Variants in ANHX observed in about 807,000 individuals in gnomAD.
The protein encoded by ANHX is anomalous homeobox.
In ANHX, 20 loss-of-function variants were observed where a neutral mutation model predicts 38.9. The ratio of observed to expected loss-of-function variants is 0.51; its 90% CI spans 0.36 to 0.75. ANHX has a LOEUF of 0.75. Among genes scored for constraint, ANHX ranks in the 30% least tolerant of loss-of-function variants. The pLI is 0.00. For missense variants in ANHX, 475 were observed against 493.1 expected (o/e 0.96, Z 0.35); for synonymous variants, 185 against 203.1 (o/e 0.91, Z 0.76).
intron 8 of ANHX, among the ~76,000 whole-genome samples, chr12:133,219,867 G>A (rs945916519): frequency 1.3e-5 from 2 of 152,142 alleles, no homozygotes; most frequent in African/African-American, 4.8e-5. Flanking sequence ...CAGGACAAGG[G>A]TGAAGAAGCT....
intron 7 of ANHX, among the ~76,000 whole-genome samples, chr12:133,223,811 G>A (rs1223762704): frequency 6.6e-6 from 1 of 151,456 alleles, no homozygotes; most frequent in Non-Finnish European, 1.5e-5. Flanking sequence ...CCACAACCTC[G>A]GACCCTCAGC....
chr12:133,224,498 CT>C (rs1430339316), intron 7 of ANHX, among the ~76,000 whole-genome samples: 1 of 150,726 alleles, frequency 6.6e-6, no homozygotes, highest in Non-Finnish European at 1.5e-5. Flanking sequence ...GCTGTCTCTA[CT>C]GAAAATACAA....
At chr12:133,219,737 T>G (rs750157170) in intron 8 of ANHX, among the ~76,000 whole-genome samples, 46 of 152,134 alleles carry the variant, frequency 3.0e-4, no homozygotes, top group Non-Finnish European at 5.6e-4. Flanking sequence ...CATACTAGCA[T>G]GTGACATGGC....
At chr12:133,228,049 T>C in intron 3 of ANHX, 102 bp from the exon 4 acceptor site, 1 of 1,358,826 alleles carries the variant, frequency 7.4e-7, no homozygotes, top group Non-Finnish European at 9.9e-7. Flanking sequence ...TCCTTCCCTG[T>C]GCCTCCTCCT....
At chr12:133,222,993 C>T (rs1280272608) in intron 7 of ANHX, among the ~76,000 whole-genome samples, 1 of 152,010 alleles carries the variant, frequency 6.6e-6, no homozygotes, top group Non-Finnish European at 1.5e-5. Context: ...GAGTTCGAGA[C>T]CAGCCTGACC....
In ANHX at chr12:133,227,079, T is replaced by G; in HGVS notation, c.575A>C (p.Gln192Pro). 2 of 1,536,044 alleles carry G rather than the reference T, an allele frequency of 1.3e-6. No homozygotes were observed. Among genetic ancestry groups the G allele is most frequent in the Non-Finnish European group, 1.7e-6 (2 of 1,146,860 alleles). The change falls in exon 5 of 10, where the codon CAA (glutamine) becomes CCA (proline). Residue 192 changes from glutamine to proline, a missense_variant. Coordinates refer to ENST00000545940, the MANE Select transcript of ANHX (RefSeq NM_001372060.1). ...YNWFANYRRR[Q>P]RALPQHMKPA... ...CTTCATGTGCTGGGGAAGGGCTCTT[T>G]GGCGGCGCCGGTAATTGGCAAACCA...
At chr12:133,223,210 A>G (rs959158291) in intron 7 of ANHX, among the ~76,000 whole-genome samples, 5 of 151,858 alleles carry the variant, frequency 3.3e-5, no homozygotes, top group African/African-American at 4.8e-5. Flanking sequence ...ATATATATAT[A>G]TAACTGTTAA....
Position 133,234,498 on chromosome 12 carries a change from G to C in ANHX, c.-22-120C>G. On this transcript the variant is annotated intron_variant, in intron 1 of 9. Transcript: ENST00000545940. ...GGCTCTTGTGCCGTGGACACTTGTA[G>C]AGTAGGAATAAGACCTCACACATCC... 5 of 1,186,228 alleles carry C rather than the reference G, an allele frequency of 4.2e-6. No individual in the cohort carries two copies. The South Asian group carries it at 6.2e-5, about 15-fold the overall frequency. The allele number at this position is 1,186,228 out of a possible 1,614,324, so 73.5% of individuals were successfully genotyped here.
At chr12:133,232,917 T>C (rs574174989) in intron 2 of ANHX, among the ~76,000 whole-genome samples, 14 of 152,196 alleles carry the variant, frequency 9.2e-5, no homozygotes, top group South Asian at 4.1e-4. Context: ...GGGAGGCAGA[T>C]TGACAAACAA....
At position 133,234,154 on chromosome 12, in the gene ANHX, ACACGGGCG is replaced by A. The variant is rs770780765; in HGVS notation, c.195_202del (p.Ala66ProfsTer81). 10 of 1,535,980 alleles carry A rather than the reference ACACGGGCG, an allele frequency of 6.5e-6. No individual in the cohort carries two copies. The highest frequency in any genetic ancestry group is 8.7e-6 in the Non-Finnish European group (10 of 1,146,898). ...CTGCTGCTGCTCCTGCTGGTCCAGG[ACACGGGCG>A]CACGCCAGGGCCACATCTGCGTTGT... On this transcript the variant is annotated frameshift_variant, in exon 2 of 10. Transcript: ENST00000545940. LOFTEE classifies it high-confidence loss of function.
Position 133,219,322 on chromosome 12 carries a change from C to T in ANHX, c.1326G>A (p.Val442=). 6.5e-7 allele frequency: 1 copy of T among 1,535,410 alleles called. No homozygotes were observed. The highest frequency in any genetic ancestry group is 2.4e-5 in the East Asian group (1 of 40,914). ...APAPSAFPGP[V]SAMELSQALP... is the part of the protein sequence containing the mutation. The stretch of plus-strand genomic sequence containing the variant: ...GGGCCTGGCTCAGCTCCATGGCAGA[C>T]ACAGGGCCGGGGAAGGCAGATGGGG... The change falls in exon 9 of 10, where the codon GTG becomes GTA. Residue 442 remains valine, a synonymous_variant. Transcript: ENST00000545940.
Position 133,221,247 on chromosome 12 carries a change from G to A in ANHX, c.1238C>T (p.Thr413Ile). The A allele has an allele frequency of 6.5e-7, 1 of 1,536,078 alleles. No homozygotes were observed. Among genetic ancestry groups the A allele is most frequent in the African/African-American group, 1.4e-5 (1 of 73,134 alleles). The change falls in exon 8 of 10, where the codon ACA (threonine) becomes ATA (isoleucine). Residue 413 changes from threonine to isoleucine, a missense_variant. Transcript: ENST00000545940. This position sits in a 1 kb window ranked among gnomAD's most constrained non-coding sequence, Gnocchi z 4.1. ...TTCAGGAGCTTGCAGTGGGGGCTGT[G>A]TCACCAGGAAGCTGCCCACCCGTAG... is the stretch of plus-strand genomic sequence containing the variant. The part of the protein sequence containing the change: ...TELRVGSFLV[T>I]QPPLQAPEFI...
rs1025221545 is a variant in ANHX at position 133,234,134 on chromosome 12, G to A, written c.223C>T (p.Gln75Ter). The change falls in exon 2 of 10, where the codon CAG becomes TAG. Residue 75 changes from glutamine (Q) to a stop codon, truncating the protein, a stop_gained. Transcript: ENST00000545940. LOFTEE classifies it high-confidence loss of function. ...TCCAGGAGGCGGCAAGCCGCCTGCT[G>A]CTGCTCCTGCTGGTCCAGGACACGG... is the stretch of plus-strand genomic sequence containing the variant. The part of the protein sequence containing the change: ...CARVLDQQEQ[Q>*]QAACRLLEGC... The A allele has an allele frequency of 2.0e-6, 3 of 1,535,940 alleles. No individual in the cohort carries two copies. The highest frequency in any genetic ancestry group is 2.6e-6 in the Non-Finnish European group (3 of 1,146,856).
intron 2 of ANHX, 58 bp downstream of exon 2, chr12:133,234,050 G>C: frequency 6.6e-7 from 1 of 1,508,618 alleles, no homozygotes. Context: ...GATGGGTGGA[G>C]GCTGCCTAAA....
chr12:133,219,411 C>A (rs899669215), intron 8 of ANHX, 44 bp from the exon 9 acceptor site: 1 of 1,355,174 alleles, frequency 7.4e-7, no homozygotes, highest in South Asian at 1.4e-5. Flanking sequence ...CTCAAGGGGA[C>A]ACTGGGGTGA....
At chr12:133,230,285 T>C (rs1012621348) in intron 3 of ANHX, among the ~76,000 whole-genome samples, 4 of 152,180 alleles carry the variant, frequency 2.6e-5, no homozygotes, top group African/African-American at 4.8e-5. Flanking sequence ...AGCATGCCCG[T>C]GGGGGGCTAC....
At chr12:133,226,524 T>C in intron 5 of ANHX, 86 bp from the exon 6 acceptor site, 1 of 1,440,892 alleles carries the variant, frequency 6.9e-7, no homozygotes, top group Non-Finnish European at 9.1e-7. Context: ...CCCTGCTGGC[T>C]GGAAAAGGCT....
rs1957070118 is a variant in ANHX, at chr12:133,218,865, G to A, written c.*20C>T. 1.3e-6 allele frequency: 2 copies of A among 1,487,148 alleles called. No individual in the cohort carries two copies. Among genetic ancestry groups the A allele is most frequent in the East Asian group, 2.5e-5 (1 of 39,942 alleles). 92.1% of individuals were successfully genotyped at this position (1,487,148 alleles called of 1,614,324 possible). On this transcript the variant is annotated 3_prime_UTR_variant, in exon 10 of 10. Coordinates refer to ENST00000545940, the MANE Select transcript of ANHX (RefSeq NM_001372060.1). ...CCACACCCGCTCCTCCTGGGGTGCT[G>A]TCTGGCTCCTGGGGATAGCTCAGCC...
At chr12:133,225,320 C>T (rs1398934202) in intron 7 of ANHX, among the ~76,000 whole-genome samples, 1 of 146,892 alleles carries the variant, frequency 6.8e-6, no homozygotes. Context: ...TACATACACA[C>T]ACACACACAC....
Sources: gnomAD v4.1 joint callset for allele counts (sites outside exome capture counted in the v4.1 genomes callset) on GRCh38, gnomAD v4.1.1 for gene constraint, Gnocchi (gnomAD v3.1) non-coding constraint, MANE v1.5 for transcripts, NCBI Gene and HGNC (gene_info 2026-07-23, HGNC 2026-07-21) for gene names.